TXNL1: variants seen among roughly 807,000 people sequenced by gnomAD.
TXNL1 encodes the protein thioredoxin like 1.
In TXNL1, 14 loss-of-function variants were observed where a neutral mutation model predicts 35.5. The observed-to-expected ratio is 0.39, with a 90% CI of 0.26 to 0.62. TXNL1 has a LOEUF of 0.62. TXNL1 is among the 20% of genes least tolerant of loss of function. TXNL1 has a pLI of 0.47. For synonymous variants in TXNL1, 110 were observed against 115.5 expected, an observed-to-expected ratio of 0.95 and a Z score of 0.31; for missense variants, 263 against 349.7, an observed-to-expected ratio of 0.75 and a Z score of 1.98.
intron 6 of TXNL1, among the ~76,000 whole-genome samples, chr18:56,612,990 C>T (rs910925280): frequency 2.0e-5 from 3 of 151,874 alleles, no homozygotes; most frequent in Non-Finnish European, 4.4e-5. Context: ...ACAGGCGCAT[C>T]ACCATGCCCA....
At position 56,602,916 on chromosome 18, in the gene TXNL1, T is replaced by A; in HGVS notation, c.*111A>T. On this transcript the variant is annotated 3_prime_UTR_variant, in exon 8 of 8. Transcript: ENST00000217515. ...GATACCATCTGAACAAAAGCAATGA[T>A]TTATTGGTAATGGCAATGAATGAAA... is the stretch of plus-strand genomic sequence containing the variant. The A allele has an allele frequency of 1.8e-6, 2 of 1,138,828 alleles. No homozygotes were observed. The highest frequency in any genetic ancestry group is 2.6e-6 in the Non-Finnish European group (2 of 757,018). The allele number at this position is 1,138,828 out of a possible 1,614,324, so 70.5% of individuals were successfully genotyped here. A position where few individuals can be genotyped will look rare whatever the true frequency, so the allele number is the denominator to read the frequency against.
intron 2 of TXNL1, among the ~76,000 whole-genome samples, chr18:56,624,702 T>G (rs898626732): frequency 1.3e-5 from 2 of 152,162 alleles, no homozygotes; most frequent in Non-Finnish European, 2.9e-5. Flanking sequence ...TTTTTACTGG[T>G]AAATACATCA....
chr18:56,624,375 T>G lies in TXNL1; in HGVS notation c.282A>C (p.Ala94=), dbSNP rs2024241302. The change falls in exon 3 of 8, where the codon GCA becomes GCC. Residue 94 remains alanine, a synonymous_variant. Transcript: ENST00000217515. ...NKVRIDQYQG[A]DAVGLEEKIK... ...TTTTTTCTTCTAATCCCACAGCATC[T>G]GCTCCTTGATATTGATCAATTCTCA... is the stretch of plus-strand genomic sequence containing the variant. 1.2e-6 allele frequency: 2 copies of G among 1,613,860 alleles called. No homozygotes were observed. Among genetic ancestry groups the G allele is most frequent in the Non-Finnish European group, 1.7e-6 (2 of 1,179,924 alleles).
rs199971612 is a variant in TXNL1, at chr18:56,617,957, C to T, written c.492+47G>A. 34 of 1,606,274 alleles carry T rather than the reference C, an allele frequency of 2.1e-5. No homozygotes were observed. In the East Asian group the frequency reaches 7.6e-4, roughly 36 times the overall value. The stretch of plus-strand genomic sequence containing the variant: ...AATGGGAACAAGAAACAAGAGCAGG[C>T]ATAAATAGTGATAATCTCCACAAGC... On this transcript the variant is annotated intron_variant, in intron 4 of 7. Transcript: ENST00000217515.
chr18:56,605,032 T>C (rs1426812703), intron 7 of TXNL1: 5 of 121,478 alleles, frequency 4.1e-5, no homozygotes, highest in African/African-American at 1.5e-4. Context: ...CAGTAGAAAG[T>C]AAAAAAAAAA....
At chr18:56,614,667 T>TCA in intron 5 of TXNL1, 71 bp from the exon 6 acceptor site, 1 of 1,236,556 alleles carries the variant, frequency 8.1e-7, no homozygotes, top group Non-Finnish European at 1.1e-6. Flanking sequence ...ACCACTACAC[T>TCA]CACACTATAC....
chr18:56,637,711 A>C (rs954327782), intron 1 of TXNL1, among the ~76,000 whole-genome samples: 2 of 152,180 alleles, frequency 1.3e-5, no homozygotes, highest in Non-Finnish European at 2.9e-5. Flanking sequence ...GTCGTGTGTG[A>C]CCAGTTGCAA....
At chr18:56,618,403 T>C (rs1416465126) in intron 3 of TXNL1, among the ~76,000 whole-genome samples, 1 of 152,164 alleles carries the variant, frequency 6.6e-6, no homozygotes, top group African/African-American at 2.4e-5. Flanking sequence ...ATAAGTGTTT[T>C]ACAGAAGAAA....
At chr18:56,610,892 G>A (rs2023979105) in intron 7 of TXNL1, 101 bp downstream of exon 7, 1 of 746,392 alleles carries the variant, frequency 1.3e-6, no homozygotes, top group Non-Finnish European at 2.1e-6. Context: ...ATATAATTTT[G>A]AATTATTTTG....
chr18:56,624,457 G>A lies in TXNL1; in HGVS notation c.200C>T (p.Thr67Ile), dbSNP rs751662460. The A allele has an allele frequency of 5.0e-6, 8 of 1,609,826 alleles. No individual in the cohort carries two copies. In the South Asian group the frequency reaches 8.8e-5, roughly 18 times the overall value. The stretch of plus-strand genomic sequence containing the variant: ...TGCTGATATATTGTTGGTGGCAGCT[G>A]TTCCCTAGAATTGGCAAGTTGGACA... ...LEVDVHQCQGTAATNNISATP... is the reference protein window; with the variant it reads ...LEVDVHQCQGIAATNNISATP... Residue 67 changes from threonine (T) to isoleucine (I), a missense_variant, in exon 3 of 8, where the codon ACA (threonine) becomes ATA (isoleucine). Thr to Ile is a moderately conservative substitution (Grantham distance 89). Transcript: ENST00000217515.
chr18:56,603,039 T>TC lies in TXNL1; in HGVS notation c.857dup (p.Glu287ArgfsTer41). Reference sequence around the variant, plus strand: ...TGTCTTTTGTACCTTAGTGGCTTTCTCCTTTTTTGCCAACTACCTAGAAAA... The same window carrying TC: ...TGTCTTTTGTACCTTAGTGGCTTTCTCCCTTTTTTGCCAACTACCTAGAAAA... On this transcript the variant is annotated frameshift_variant, in exon 8 of 8. Transcript: ENST00000217515. LOFTEE classifies it high-confidence loss of function. The TC allele has an allele frequency of 6.2e-7, 1 of 1,613,834 alleles. No individual in the cohort carries two copies. Among genetic ancestry groups the TC allele is most frequent in the Non-Finnish European group, 8.5e-7 (1 of 1,179,854 alleles).
At chr18:56,613,363 T>C (rs1433678994) in intron 6 of TXNL1, among the ~76,000 whole-genome samples, 1 of 152,190 alleles carries the variant, frequency 6.6e-6, no homozygotes, top group Non-Finnish European at 1.5e-5. Context: ...TCCTACCCAT[T>C]CCTCTAAATG....
At chr18:56,606,694 C>A (rs2023900402) in intron 7 of TXNL1, among the ~76,000 whole-genome samples, 1 of 152,228 alleles carries the variant, frequency 6.6e-6, no homozygotes, top group South Asian at 2.1e-4. Flanking sequence ...ACTCTGTGGA[C>A]AAAGAAACCC....
chr18:56,603,186 A>G (rs964491352), intron 7 of TXNL1, 130 bp from the exon 8 acceptor site: 27 of 784,100 alleles, frequency 3.4e-5, no homozygotes, highest in Non-Finnish European at 4.9e-5. Flanking sequence ...CATGCAATGT[A>G]TTTTCACTGT....
intron 3 of TXNL1, among the ~76,000 whole-genome samples, chr18:56,623,843 A>T (rs1198048416): frequency 1.3e-5 from 2 of 151,912 alleles, no homozygotes; most frequent in African/African-American, 4.8e-5. Flanking sequence ...GAGGGCATAC[A>T]TTTAAAAAGA....
At chr18:56,614,656 T>C in intron 5 of TXNL1, 60 bp from the exon 6 acceptor site, 1 of 1,355,332 alleles carries the variant, frequency 7.4e-7, no homozygotes, top group Non-Finnish European at 1.0e-6. Context: ...ATACTCCCTT[T>C]ACCACTACAC....
chr18:56,606,496 C>T lies in TXNL1; in HGVS notation c.841-3440G>A, dbSNP rs551222098. ...TGTCCTTGAACGATTGAATCCTCCA[C>T]CTTCCTAAGTTCATGTCCAGGTCCC... On this transcript the variant is annotated intron_variant, in intron 7 of 7. Transcript: ENST00000217515. Among the ~76,000 whole-genome samples, 10 of 152,326 alleles carry T rather than the reference C, an allele frequency of 6.6e-5. No individual in the cohort carries two copies. The South Asian group carries it at 1.5e-3, about 22-fold the overall frequency.
rs1252664883 is a variant in TXNL1 at position 56,601,759 on chromosome 18, T to C, written c.*1268A>G. 6.6e-6 allele frequency: 1 copy of C among 152,218 alleles called. No individual in the cohort carries two copies. The highest frequency in any genetic ancestry group is 1.9e-4 in the East Asian group (1 of 5,190). 9.4% of individuals were successfully genotyped at this position (152,218 alleles called of 1,614,324 possible). On this transcript the variant is annotated 3_prime_UTR_variant, in exon 8 of 8. Transcript: ENST00000217515. Reference sequence around the variant, plus strand: ...CAAATGTTTAACTGAATCACAATTTTACAGTCTTATGTACTCTTTAAAAAT... The same window carrying C: ...CAAATGTTTAACTGAATCACAATTTCACAGTCTTATGTACTCTTTAAAAAT...
chr18:56,618,769 A>C (rs968990150), intron 3 of TXNL1, among the ~76,000 whole-genome samples: 7 of 152,242 alleles, frequency 4.6e-5, no homozygotes, highest in African/African-American at 1.4e-4. Flanking sequence ...TTAAAAAAAA[A>C]CATTCTCAAT....
Sources: gnomAD v4.1 joint callset for allele counts (sites outside exome capture counted in the v4.1 genomes callset) on GRCh38, gnomAD v4.1.1 for gene constraint, MANE v1.5 for transcripts, NCBI Gene and HGNC (gene_info 2026-07-23, HGNC 2026-07-21) for gene names.